NINJ2: variants seen among roughly 807,000 people sequenced by gnomAD.
The protein encoded by NINJ2 is ninjurin 2, also known as ninjurin-2.
NINJ2 carries 12 observed loss-of-function variants against 11.7 expected under a neutral mutation model. That is an observed-to-expected ratio of 1.02 (90% CI 0.66 to 1.66). The LOEUF (loss-of-function observed/expected upper bound fraction) is 1.66. Ranked by LOEUF, NINJ2 falls within the 40% of genes most tolerant of loss-of-function variation. NINJ2 has a pLI of 0.00. For synonymous variants in NINJ2, 93 were observed against 76.8 expected, an observed-to-expected ratio of 1.21 and a Z score of -1.10; for missense variants, 187 against 181.8, an observed-to-expected ratio of 1.03 and a Z score of -0.16.
intron 1 of NINJ2, among the ~76,000 whole-genome samples, chr12:600,579 A>T (rs1947852505): frequency 6.6e-6 from 1 of 152,062 alleles, no homozygotes; most frequent in Admixed American, 6.6e-5. Flanking sequence ...TAATAAAATT[A>T]AATTAAAAAG....
chr12:657,575 C>T (rs11064103), intron 1 of NINJ2, among the ~76,000 whole-genome samples: 37,856 of 151,956 alleles, frequency 0.25, 4,893 homozygotes, highest in Non-Finnish European at 0.28. Flanking sequence ...GAAGACAGAG[C>T]GAGACTCCTT....
chr12:573,068 T>C lies in NINJ2; in HGVS notation c.34-6890A>G, dbSNP rs372367155. ...TGAGACAGAGTCTCGCTCTGTCGCC[T>C]AGGCTGGAGTGCAGTGGCGCAATCT... On this transcript the variant is annotated intron_variant, in intron 1 of 3. Coordinates refer to ENST00000305108, the MANE Select transcript of NINJ2 (RefSeq NM_016533.6). Among the ~76,000 whole-genome samples the C allele has an allele frequency of 8.2e-3, 1,016 of 123,652 alleles. 9 individuals carry two copies. The highest frequency in any genetic ancestry group is 0.03 in the African/African-American group (946 of 31,506). 81.1% of individuals were successfully genotyped at this position (123,652 alleles called of 152,430 possible). A position where few individuals can be genotyped will look rare whatever the true frequency, so the allele number is the denominator to read the frequency against.
At chr12:600,210 AG>A (rs1382616494) in intron 1 of NINJ2, among the ~76,000 whole-genome samples, 5 of 152,210 alleles carry the variant, frequency 3.3e-5, no homozygotes, top group Non-Finnish European at 7.4e-5. Flanking sequence ...CAAGGCTATG[AG>A]GGGAAAAGGT....
intron 1 of NINJ2, among the ~76,000 whole-genome samples, chr12:657,618 A>C (rs1430569994): frequency 6.6e-6 from 1 of 152,090 alleles, no homozygotes; most frequent in Non-Finnish European, 1.5e-5. Flanking sequence ...AAGTAACCCC[A>C]CTAAATATGG....
At chr12:616,146 C>T (rs980296937) in intron 1 of NINJ2, among the ~76,000 whole-genome samples, 1 of 152,154 alleles carries the variant, frequency 6.6e-6, no homozygotes, top group Non-Finnish European at 1.5e-5. Flanking sequence ...GCCATTTCAA[C>T]GGGTTGCCTG....
At chr12:658,691 C>A (rs1937909493) in intron 1 of NINJ2, among the ~76,000 whole-genome samples, 1 of 150,664 alleles carries the variant, frequency 6.6e-6, no homozygotes, top group Non-Finnish European at 1.5e-5. Flanking sequence ...CTATGCTATG[C>A]TATGCTATGC....
At chr12:573,189 C>A (rs1218235823) in intron 1 of NINJ2, among the ~76,000 whole-genome samples, 1 of 151,986 alleles carries the variant, frequency 6.6e-6, no homozygotes, top group East Asian at 1.9e-4. Flanking sequence ...CCACACCCAG[C>A]TAATTTTTCT....
Position 566,187 on chromosome 12 carries a change from G to A in NINJ2, c.34-9C>T. 1 of 1,609,432 alleles carries A rather than the reference G, an allele frequency of 6.2e-7. No homozygotes were observed. The highest frequency in any genetic ancestry group is 1.1e-5 in the South Asian group (1 of 90,574). ...GGGTCGGAGCTTCCAGGCTGTAGGGGAGAAAGCACAGACTTACCAAGGGGA... is the reference window on the plus strand; with the variant it reads ...GGGTCGGAGCTTCCAGGCTGTAGGGAAGAAAGCACAGACTTACCAAGGGGA... On this transcript the variant is annotated splice_polypyrimidine_tract_variant and intron_variant, in intron 1 of 3. Transcript: ENST00000305108.
chr12:587,535 TCC>T (rs1246299620), intron 1 of NINJ2, among the ~76,000 whole-genome samples: 1 of 152,214 alleles, frequency 6.6e-6, no homozygotes, highest in Non-Finnish European at 1.5e-5. Flanking sequence ...TTCTTAGGGC[TCC>T]TCAGGCTCTC....
intron 1 of NINJ2, among the ~76,000 whole-genome samples, chr12:601,575 A>G (rs1342877660): frequency 7.2e-6 from 1 of 138,528 alleles, no homozygotes; most frequent in Non-Finnish European, 1.6e-5. Flanking sequence ...AAATAAATAA[A>G]ACAAATAGCC....
At chr12:619,077 G>A (rs1948124698) in intron 1 of NINJ2, among the ~76,000 whole-genome samples, 2 of 152,334 alleles carry the variant, frequency 1.3e-5, no homozygotes, top group East Asian at 3.9e-4. Flanking sequence ...TAGTTGGGGA[G>A]TGAGGTGCCC....
chr12:634,457 C>T (rs1324152485), intron 1 of NINJ2, among the ~76,000 whole-genome samples: 3 of 151,886 alleles, frequency 2.0e-5, no homozygotes, highest in African/African-American at 7.2e-5. Context: ...GACGGAATTT[C>T]ACCATGTTGG....
chr12:622,434 A>AG lies in NINJ2; in HGVS notation c.33+40893dup, dbSNP rs1555165684. ...CAAAAAAAAAAAAAAAAAAAAAAAA[A>AG]GGAAAGAAAGAAAGAAAGGGGCTAC... On this transcript the variant is annotated intron_variant, in intron 1 of 3. Coordinates refer to ENST00000305108, the MANE Select transcript of NINJ2 (RefSeq NM_016533.6). Among the ~76,000 whole-genome samples the AG allele has an allele frequency of 3.0e-3, 429 of 144,158 alleles. 3 individuals carry two copies. Among genetic ancestry groups the AG allele is most frequent in the African/African-American group, 0.011 (405 of 37,240 alleles). The allele number at this position is 144,158 out of a possible 152,430, so 94.6% of individuals were successfully genotyped here. A position where few individuals can be genotyped will look rare whatever the true frequency, so the allele number is the denominator to read the frequency against.
chr12:596,485 A>C (rs1254980067), intron 1 of NINJ2, among the ~76,000 whole-genome samples: 1 of 152,106 alleles, frequency 6.6e-6, no homozygotes, highest in East Asian at 1.9e-4. Context: ...GCATATGGGG[A>C]GTTTCTGTAC....
At chr12:642,850 G>A (rs867635446) in intron 1 of NINJ2, 8 of 151,312 alleles carry the variant, frequency 5.3e-5, no homozygotes, top group Admixed American at 2.0e-4. Flanking sequence ...GTGGGCTCGG[G>A]GCCCCGCTCC....
chr12:646,271 C>T (rs942839821), intron 1 of NINJ2, among the ~76,000 whole-genome samples: 4 of 152,162 alleles, frequency 2.6e-5, no homozygotes, highest in Admixed American at 6.5e-5. Flanking sequence ...CGCAGTGAAG[C>T]GAAATCTCAG....
At chr12:574,329 AAAT>A (rs934238213) in intron 1 of NINJ2, among the ~76,000 whole-genome samples, 3 of 152,198 alleles carry the variant, frequency 2.0e-5, no homozygotes, top group African/African-American at 2.4e-5. Context: ...ATCTCAAAAA[AAAT>A]AATAATAATA....
chr12:591,920 A>G lies in NINJ2; in HGVS notation c.34-25742T>C, dbSNP rs79507080. Among the ~76,000 whole-genome samples, 1,582 of 152,232 alleles carry G rather than the reference A, an allele frequency of 0.01. 37 individuals are homozygous for G. In the East Asian group the frequency reaches 0.11, roughly 10 times the overall value. On this transcript the variant is annotated intron_variant, in intron 1 of 3. Transcript: ENST00000305108. This position sits in a 1 kb window ranked among gnomAD's most constrained non-coding sequence, Gnocchi z 5.0. ...CAATTTTGAGCAAACAGAGGCCCCC[A>G]GGCGTTTTTCCCGGGTCACTCCCTT...
intron 1 of NINJ2, among the ~76,000 whole-genome samples, chr12:607,876 T>A (rs1400719558): frequency 1.3e-5 from 2 of 152,206 alleles, no homozygotes; most frequent in African/African-American, 4.8e-5. Flanking sequence ...TCCTCATTCT[T>A]GGCAGGAGCA....
Sources: allele counts gnomAD v4.1 joint callset (sites outside exome capture counted in the v4.1 genomes callset), GRCh38; gene constraint gnomAD v4.1.1; non-coding constraint Gnocchi (gnomAD v3.1); transcripts MANE v1.5; gene names NCBI Gene and HGNC (gene_info 2026-07-23, HGNC 2026-07-21).